BICD1: variants seen among roughly 807,000 people sequenced by gnomAD.
BICD1 encodes the protein BICD cargo adaptor 1.
Under a neutral mutation model 92.5 loss-of-function variants are expected in BICD1, and 35 were observed. The observed-to-expected ratio is 0.38, with a 90% CI of 0.29 to 0.50. The LOEUF is 0.50. Ranked by LOEUF, BICD1 falls within the 20% of genes least tolerant of loss-of-function variation. The pLI is 0.93. For synonymous variants in BICD1, 429 were observed against 465.1 expected (o/e 0.92, Z 1.00); for missense variants, 950 against 1,189.8 (o/e 0.80, Z 2.97).
chr12:32,271,015 A>G (rs774844335), intron 2 of BICD1, among the ~76,000 whole-genome samples: 5 of 152,194 alleles, frequency 3.3e-5, no homozygotes, highest in Non-Finnish European at 7.4e-5. Context: ...GAGCAGCTCC[A>G]GGCTGTATGA....
intron 3 of BICD1, 144 bp from the exon 4 acceptor site, chr12:32,305,553 G>A (rs1187548687): frequency 5.2e-5 from 32 of 619,366 alleles, no homozygotes; most frequent in Admixed American, 7.1e-5. Flanking sequence ...ATAACTTTAA[G>A]GATATATTGT....
chr12:32,278,587 C>T (rs1473690900), intron 2 of BICD1, among the ~76,000 whole-genome samples: 1 of 152,260 alleles, frequency 6.6e-6, no homozygotes, highest in Admixed American at 6.5e-5. Context: ...GGCGAGGTGG[C>T]TCATGCCTGT....
intron 2 of BICD1, among the ~76,000 whole-genome samples, chr12:32,243,991 G>A (rs961077312): frequency 5.3e-5 from 8 of 151,546 alleles, no homozygotes; most frequent in Middle Eastern, 3.4e-3. Flanking sequence ...ATTCTTATCC[G>A]TATTAATTAT....
At chr12:32,274,941 A>G (rs1264522975) in intron 2 of BICD1, among the ~76,000 whole-genome samples, 1 of 152,206 alleles carries the variant, frequency 6.6e-6, no homozygotes, top group East Asian at 1.9e-4. Flanking sequence ...CTAAAAGGTT[A>G]AAAGAGTTTT....
intron 2 of BICD1, among the ~76,000 whole-genome samples, chr12:32,234,908 C>T (rs529154426): frequency 1.4e-3 from 209 of 152,174 alleles, no homozygotes; most frequent in African/African-American, 4.4e-3. Context: ...TGGTCTCAAA[C>T]TCTTGGGCTC....
chr12:32,223,516 C>CAAAAAAAAA (rs60536204), intron 2 of BICD1, among the ~76,000 whole-genome samples: 3 of 103,414 alleles, frequency 2.9e-5, no homozygotes, highest in Admixed American at 9.6e-5. Flanking sequence ...GACTTTGTCT[C>CAAAAAAAAA]AAAAAAAAAA....
At chr12:32,117,758 AT>A (rs1180018434) in intron 1 of BICD1, among the ~76,000 whole-genome samples, 7,363 of 106,396 alleles carry the variant, frequency 0.069, 287 homozygotes, top group Middle Eastern at 0.12. Context: ...ATATATATAT[AT>A]TTTTTTTTAA....
intron 3 of BICD1, among the ~76,000 whole-genome samples, chr12:32,302,351 T>C (rs1948078986): frequency 6.6e-6 from 1 of 152,190 alleles, no homozygotes; most frequent in Admixed American, 6.5e-5. Context: ...TTGTGATCTC[T>C]GCTTTAAATC....
At chr12:32,354,101 T>C (rs1311209757) in intron 8 of BICD1, 1 of 152,230 alleles carries the variant, frequency 6.6e-6, no homozygotes, top group Non-Finnish European at 1.5e-5. Flanking sequence ...CGTTTTTATA[T>C]TTCTCTTTTG....
chr12:32,143,783 C>T (rs997999585), intron 1 of BICD1, among the ~76,000 whole-genome samples: 1 of 152,182 alleles, frequency 6.6e-6, no homozygotes, highest in Non-Finnish European at 1.5e-5. Flanking sequence ...ATTCTCTATT[C>T]TCACCATCAT....
At chr12:32,118,510 A>T (rs1347720334) in intron 1 of BICD1, among the ~76,000 whole-genome samples, 1 of 152,214 alleles carries the variant, frequency 6.6e-6, no homozygotes, top group Non-Finnish European at 1.5e-5. Flanking sequence ...CTAAACGTAT[A>T]CAGGCTTTTT....
intron 2 of BICD1, among the ~76,000 whole-genome samples, chr12:32,251,197 CTTG>C (rs1236420584): frequency 1.3e-5 from 2 of 152,028 alleles, no homozygotes; most frequent in African/African-American, 2.4e-5. Flanking sequence ...AAAATATCTT[CTTG>C]TTGTTCTTAT....
chr12:32,331,468 C>A (rs546762724), intron 5 of BICD1, among the ~76,000 whole-genome samples: 16 of 152,114 alleles, frequency 1.1e-4, no homozygotes, highest in Admixed American at 5.9e-4. Context: ...TTTTGGGGGA[C>A]AAGAAATGTT....
chr12:32,182,274 C>CTTT (rs1944292915), intron 1 of BICD1, among the ~76,000 whole-genome samples: 1 of 84,996 alleles, frequency 1.2e-5, no homozygotes, highest in South Asian at 4.0e-4. Context: ...TTCTTTCTTT[C>CTTT]TTTCTTTTTT....
chr12:32,217,090 A>G (rs1945381910), intron 2 of BICD1, among the ~76,000 whole-genome samples: 1 of 152,260 alleles, frequency 6.6e-6, no homozygotes, highest in African/African-American at 2.4e-5. Context: ...TCAAACTGGC[A>G]GAGTCATCCT....
chr12:32,184,327 G>A (rs557950259), intron 1 of BICD1, among the ~76,000 whole-genome samples: 13 of 151,954 alleles, frequency 8.6e-5, no homozygotes, highest in Non-Finnish European at 1.5e-4. Flanking sequence ...TTGCTCTGTC[G>A]CCAGGCTGGA....
Position 32,107,657 on chromosome 12 carries a change from T to G in BICD1, c.213+113T>G, listed in dbSNP as rs1056230722. On this transcript the variant is annotated intron_variant, in intron 1 of 9. Transcript: ENST00000652176. ...GGTGATTGAAAGGACTGTTTTTTCT[T>G]CTAGGGCCCTTTGTTGGTAAGAGAA... 1.5e-5 allele frequency: 17 copies of G among 1,143,124 alleles called. No individual in the cohort carries two copies. The Admixed American group carries it at 3.2e-4, about 21-fold the overall frequency. 70.8% of individuals were successfully genotyped at this position (1,143,124 alleles called of 1,614,324 possible). A position where few individuals can be genotyped will look rare whatever the true frequency, so the allele number is the denominator to read the frequency against.
intron 1 of BICD1, among the ~76,000 whole-genome samples, chr12:32,157,111 A>C (rs1943463291): frequency 6.6e-6 from 1 of 152,250 alleles, no homozygotes; most frequent in Non-Finnish European, 1.5e-5. Flanking sequence ...GGCTTAAAAA[A>C]TAATAAAATT....
At chr12:32,298,413 A>G (rs1335229048) in intron 3 of BICD1, among the ~76,000 whole-genome samples, 1 of 151,260 alleles carries the variant, frequency 6.6e-6, no homozygotes, top group Non-Finnish European at 1.5e-5. Flanking sequence ...TATAAAAAAG[A>G]AATTAGCCGG....
Sources: allele counts gnomAD v4.1 joint callset (sites outside exome capture counted in the v4.1 genomes callset), GRCh38; gene constraint gnomAD v4.1.1; transcripts MANE v1.5; gene names NCBI Gene and HGNC (gene_info 2026-07-23, HGNC 2026-07-21).